The following SNTB1 variants were observed in gnomAD, a reference collection of about 807,000 sequenced individuals.
The protein encoded by SNTB1 is beta-1-syntrophin.
In SNTB1, 36 loss-of-function variants were observed where a neutral mutation model predicts 48.9. That is an observed-to-expected ratio of 0.74 (90% CI 0.56 to 0.97). The LOEUF is 0.97. Among genes scored for constraint, SNTB1 ranks in the 50% least tolerant of loss-of-function variants. The pLI is 0.00. For missense variants in SNTB1, 786 were observed against 703.4 expected (o/e 1.12, Z -1.33); for synonymous variants, 299 against 294.6 (o/e 1.01, Z -0.15).
Position 120,749,684 on chromosome 8 carries a change from G to A in SNTB1, c.572-55776C>T, listed in dbSNP as rs1819180313. On this transcript the variant is annotated intron_variant, in intron 1 of 6. Transcript: ENST00000517992. Reference sequence around the variant, plus strand: ...AAAAGGAAACTGAAACAGACTCAGGGGAAGTTAGAAGCCAAATATCTTTCT... The same window carrying A: ...AAAAGGAAACTGAAACAGACTCAGGAGAAGTTAGAAGCCAAATATCTTTCT... 4.6e-5 allele frequency among the ~76,000 whole-genome samples: 7 copies of A among 152,058 alleles called. No individual in the cohort carries two copies. The South Asian group carries it at 1.5e-3, about 32-fold the overall frequency.
intron 3 of SNTB1, among the ~76,000 whole-genome samples, chr8:120,616,096 G>T (rs1253778322): frequency 2.0e-5 from 3 of 152,024 alleles, no homozygotes; most frequent in African/African-American, 7.2e-5. Flanking sequence ...TTGTAGGAGT[G>T]AAAAAATAAT....
At chr8:120,704,346 C>T (rs149419597) in intron 1 of SNTB1, among the ~76,000 whole-genome samples, 196 of 152,104 alleles carry the variant, frequency 1.3e-3, no homozygotes, top group Non-Finnish European at 1.0e-4. Flanking sequence ...GCCCTACCTG[C>T]TCAGGAGGCT....
chr8:120,548,897 T>C lies in SNTB1; in HGVS notation c.1198A>G (p.Thr400Ala). The change falls in exon 5 of 7, where the codon ACG becomes GCG. Residue 400 changes from threonine to alanine, a missense_variant. Transcript: ENST00000517992. ...PQAGVDLSFA[T>A]RTGTRQGIET... ...ATCCCTTGCCTGGTACCAGTTCGCG[T>C]TGCAAAGGACAGATCCACACCAGCC... 1.2e-6 allele frequency: 2 copies of C among 1,612,500 alleles called. No homozygotes were observed. The highest frequency in any genetic ancestry group is 1.7e-6 in the Non-Finnish European group (2 of 1,179,282).
intron 1 of SNTB1, among the ~76,000 whole-genome samples, chr8:120,794,226 C>G (rs1820084367): frequency 6.6e-6 from 1 of 151,950 alleles, no homozygotes; most frequent in Non-Finnish European, 1.5e-5. Flanking sequence ...ATGACACAAT[C>G]CAGTAACTTG....
At chr8:120,683,408 T>C (rs1425314249) in intron 2 of SNTB1, among the ~76,000 whole-genome samples, 1 of 151,712 alleles carries the variant, frequency 6.6e-6, no homozygotes, top group Non-Finnish European at 1.5e-5. Context: ...ATAAGAAAAA[T>C]GTGCTTGTTT....
rs148802528 is a variant in SNTB1, at chr8:120,545,877, G to A, written c.1333+2885C>T. On this transcript the variant is annotated intron_variant, in intron 5 of 6. Coordinates refer to ENST00000517992, the MANE Select transcript of SNTB1 (RefSeq NM_021021.4). ...ATTACAAGAACAACAACTAATAATC[G>A]TACTTATTGACAACAACCCTGGGGT... Among the ~76,000 whole-genome samples the A allele has an allele frequency of 4.9e-4, 74 of 152,260 alleles. No homozygotes were observed. In the East Asian group the frequency reaches 0.014, roughly 28 times the overall value.
chr8:120,634,157 A>T (rs530825660), intron 2 of SNTB1, among the ~76,000 whole-genome samples: 2 of 152,278 alleles, frequency 1.3e-5, no homozygotes, highest in South Asian at 4.1e-4. Context: ...AAGAAAAAAA[A>T]CCCAATATTC....
At chr8:120,637,082 T>C in intron 2 of SNTB1, 2 of 378,674 alleles carry the variant, frequency 5.3e-6, no homozygotes, top group Admixed American at 6.7e-5. Flanking sequence ...AAGGAGAAGA[T>C]GCAGGAGCAT....
At chr8:120,743,673 T>C (rs1272812876) in intron 1 of SNTB1, among the ~76,000 whole-genome samples, 2 of 152,180 alleles carry the variant, frequency 1.3e-5, no homozygotes, top group African/African-American at 4.8e-5. Flanking sequence ...GAGGCACTTT[T>C]AGAGGTGTGG....
chr8:120,633,248 G>T (rs1817012890), intron 2 of SNTB1, among the ~76,000 whole-genome samples: 1 of 152,172 alleles, frequency 6.6e-6, no homozygotes, highest in Admixed American at 6.5e-5. Context: ...AACCTGTGGT[G>T]TAAAGGCATG....
At chr8:120,545,295 G>C (rs1191049708) in intron 5 of SNTB1, among the ~76,000 whole-genome samples, 1 of 152,174 alleles carries the variant, frequency 6.6e-6, no homozygotes, top group Non-Finnish European at 1.5e-5. Context: ...AGGGAGCCGA[G>C]ATCATGCCAT....
intron 3 of SNTB1, among the ~76,000 whole-genome samples, chr8:120,611,313 G>A (rs548320029): frequency 6.6e-6 from 1 of 151,836 alleles, no homozygotes; most frequent in South Asian, 2.1e-4. Context: ...AAAGGGAGAA[G>A]AAGCAAAATC....
At chr8:120,727,895 C>A (rs1394160144) in intron 1 of SNTB1, among the ~76,000 whole-genome samples, 1 of 152,192 alleles carries the variant, frequency 6.6e-6, no homozygotes, top group Non-Finnish European at 1.5e-5. Flanking sequence ...AAGATTAGAA[C>A]CCTGGCTTCC....
At chr8:120,757,083 C>T (rs571777357) in intron 1 of SNTB1, among the ~76,000 whole-genome samples, 6 of 152,296 alleles carry the variant, frequency 3.9e-5, no homozygotes, top group East Asian at 3.9e-4. Flanking sequence ...ATCTACTATA[C>T]GCCAGGCCTT....
intron 5 of SNTB1, among the ~76,000 whole-genome samples, chr8:120,547,174 A>C (rs1199148724): frequency 6.6e-6 from 1 of 152,256 alleles, no homozygotes; most frequent in African/African-American, 2.4e-5. Context: ...GGGTACACAC[A>C]CAGTGCAATC....
At chr8:120,619,281 T>A (rs1816758134) in intron 3 of SNTB1, among the ~76,000 whole-genome samples, 1 of 151,548 alleles carries the variant, frequency 6.6e-6, no homozygotes, top group Non-Finnish European at 1.5e-5. Flanking sequence ...CATAATGGGG[T>A]ATTGGTGAAA....
chr8:120,793,109 G>A (rs184821885), intron 1 of SNTB1, among the ~76,000 whole-genome samples: 3 of 151,904 alleles, frequency 2.0e-5, no homozygotes, highest in African/African-American at 4.8e-5. Context: ...CATGAGCTTG[G>A]AGATGCAACT....
chr8:120,721,322 G>A (rs1275659413), intron 1 of SNTB1, among the ~76,000 whole-genome samples: 2 of 152,168 alleles, frequency 1.3e-5, no homozygotes, highest in African/African-American at 2.4e-5. Flanking sequence ...GCTGCTACAA[G>A]GTTAACTCAT....
intron 3 of SNTB1, among the ~76,000 whole-genome samples, chr8:120,601,113 G>A (rs368116772): frequency 3.9e-5 from 6 of 152,260 alleles, no homozygotes; most frequent in African/African-American, 7.2e-5. Flanking sequence ...GTCTGCTAGC[G>A]CTGCTGGGAA....
Sources: gnomAD v4.1 joint callset for allele counts (sites outside exome capture counted in the v4.1 genomes callset) on GRCh38, gnomAD v4.1.1 for gene constraint, MANE v1.5 for transcripts, NCBI Gene and HGNC (gene_info 2026-07-23, HGNC 2026-07-21) for gene names.